The following UBE2W variants were observed in gnomAD, a reference collection of about 807,000 sequenced individuals.
UBE2W encodes ubiquitin conjugating enzyme E2 W.
UBE2W carries 18 observed loss-of-function variants against 27.2 expected under a neutral mutation model. That is an observed-to-expected ratio of 0.66 (90% CI 0.46 to 0.98). The LOEUF (loss-of-function observed/expected upper bound fraction) is 0.98, where lower values mean the gene tolerates loss of function less well. Ranked by LOEUF, UBE2W falls within the 50% of genes least tolerant of loss-of-function variation. UBE2W has a pLI of 0.00. For synonymous variants in UBE2W, 53 were observed against 57.2 expected (o/e 0.93, Z 0.33); for missense variants, 90 against 180.2 (o/e 0.50, Z 2.87).
At chr8:73,785,088 T>C (rs1365624375), downstream of UBE2W, among the ~76,000 whole-genome samples, 1 of 152,224 alleles carries the variant, frequency 6.6e-6, no homozygotes, top group East Asian at 1.9e-4. Context: ...CATTTTGTAC[T>C]TGGGAACTCT....
intron 2 of UBE2W, among the ~76,000 whole-genome samples, chr8:73,829,777 T>C (rs906051642): frequency 1.3e-5 from 2 of 152,204 alleles, no homozygotes; most frequent in African/African-American, 2.4e-5. Flanking sequence ...ATTGGCTCAT[T>C]TGTCCTACAA....
chr8:73,789,786 C>G lies in UBE2W; in HGVS notation c.*4316G>C. On this transcript the variant is annotated 3_prime_UTR_variant, in exon 6 of 6. Coordinates refer to ENST00000602593, the MANE Select transcript of UBE2W (RefSeq NM_018299.6). ...CCAGGAGGTGGAGATTGAAATGAGCCAAGATCGTGCACTGCACTAAAGCCC... is the reference window on the plus strand; with the variant it reads ...CCAGGAGGTGGAGATTGAAATGAGCGAAGATCGTGCACTGCACTAAAGCCC... 3 of 507,678 alleles carry G rather than the reference C, an allele frequency of 5.9e-6. No individual in the cohort carries two copies. The highest frequency in any genetic ancestry group is 7.6e-6 in the Non-Finnish European group (3 of 393,822). The allele number at this position is 507,678 out of a possible 1,614,324, so 31.4% of individuals were successfully genotyped here.
rs115509452 is a variant in UBE2W, at chr8:73,871,408, G to C, written c.15+7400C>G. On this transcript the variant is annotated intron_variant, in intron 1 of 5. Transcript: ENST00000602593. ...TTTATCTATCTGCTAATCTGTTTTT[G>C]TCTACCCACTACACTCCATAATGAT... Among the ~76,000 whole-genome samples, 1,046 of 152,204 alleles carry C rather than the reference G, an allele frequency of 6.9e-3. 11 individuals are homozygous for C. Among genetic ancestry groups the C allele is most frequent in the African/African-American group, 0.024 (1,013 of 41,528 alleles).
In UBE2W at chr8:73,788,259, T is replaced by C. The variant is rs555130920; in HGVS notation, c.*5843A>G. ...GATTTGTCTGTTTTAACATTTATAT[T>C]CTATTTAAAAAGTAGTGACTTTACA... On this transcript the variant is annotated 3_prime_UTR_variant, in exon 6 of 6. Transcript: ENST00000602593. 2 of 959,514 alleles carry C rather than the reference T, an allele frequency of 2.1e-6. No homozygotes were observed. Among genetic ancestry groups the C allele is most frequent in the East Asian group, 2.3e-4 (2 of 8,680 alleles). The allele number at this position is 959,514 out of a possible 1,614,324, so 59.4% of individuals were successfully genotyped here. A position where few individuals can be genotyped will look rare whatever the true frequency, so the allele number is the denominator to read the frequency against.
chr8:73,799,329 T>C (rs1172726322), intron 5 of UBE2W, among the ~76,000 whole-genome samples: 2 of 152,036 alleles, frequency 1.3e-5, no homozygotes, highest in African/African-American at 4.8e-5. Flanking sequence ...GGATTCTAAC[T>C]AATAATGTAG....
Position 73,816,948 on chromosome 8 carries a change from C to T in UBE2W, c.211-6319G>A, listed in dbSNP as rs542301500. Reference sequence around the variant, plus strand: ...ACTGTGGAGGCTGAGGCAGGAGAATCGTTTGAACCCGGGAGGCGGAGGTTG... The same window carrying T: ...ACTGTGGAGGCTGAGGCAGGAGAATTGTTTGAACCCGGGAGGCGGAGGTTG... On this transcript the variant is annotated intron_variant, in intron 3 of 5. Transcript: ENST00000602593. Among the ~76,000 whole-genome samples, 156 of 152,124 alleles carry T rather than the reference C, an allele frequency of 1.0e-3. 3 individuals are homozygous for T. The highest frequency in any genetic ancestry group is 3.5e-4 in the Non-Finnish European group (24 of 68,010).
intron 2 of UBE2W, among the ~76,000 whole-genome samples, chr8:73,826,723 A>G (rs1809850318): frequency 6.6e-6 from 1 of 152,220 alleles, no homozygotes; most frequent in Non-Finnish European, 1.5e-5. Flanking sequence ...TCGCAGTTAT[A>G]GTTAATCTTA....
chr8:73,878,833 T>C lies in UBE2W; in HGVS notation c.-11A>G. On this transcript the variant is annotated 5_prime_UTR_variant, in exon 1 of 6. The change abolishes an upstream ATG in the 5' untranslated region. Transcript: ENST00000602593. ...CTGCATTGACGCCATGATGGAACCATCCCCCCAAGACCGGCGAGGCCAGAG... is the reference window on the plus strand; with the variant it reads ...CTGCATTGACGCCATGATGGAACCACCCCCCCAAGACCGGCGAGGCCAGAG... The C allele has an allele frequency of 6.5e-7, 1 of 1,548,926 alleles. No homozygotes were observed. Among genetic ancestry groups the C allele is most frequent in the Non-Finnish European group, 8.7e-7 (1 of 1,145,676 alleles).
rs1808202994 is a variant in UBE2W at position 73,791,599 on chromosome 8, T to C, written c.*2503A>G. 1 of 984,832 alleles carries C rather than the reference T, an allele frequency of 1.0e-6. No individual in the cohort carries two copies. The highest frequency in any genetic ancestry group is 1.2e-6 in the Non-Finnish European group (1 of 829,494). 61.0% of individuals were successfully genotyped at this position (984,832 alleles called of 1,614,324 possible). On this transcript the variant is annotated 3_prime_UTR_variant, in exon 6 of 6. Coordinates refer to ENST00000602593, the MANE Select transcript of UBE2W (RefSeq NM_018299.6). ...TTATTACAAGCCATTAATTGCTCTC[T>C]GTAGAGCAATGACTCAGATAAATGC...
chr8:73,784,576 G>C (rs948065633), downstream of UBE2W, among the ~76,000 whole-genome samples: 1 of 152,162 alleles, frequency 6.6e-6, no homozygotes, highest in African/African-American at 2.4e-5. Flanking sequence ...CCTCCAGAGA[G>C]GATATTCATT....
intron 5 of UBE2W, 56 bp from the exon 6 acceptor site, chr8:73,794,171 C>A: frequency 6.3e-7 from 1 of 1,584,266 alleles, no homozygotes; most frequent in Non-Finnish European, 8.6e-7. Flanking sequence ...TAAGTAAATT[C>A]TACAAGTCTG....
intron 3 of UBE2W, among the ~76,000 whole-genome samples, chr8:73,824,371 C>T (rs1809742882): frequency 6.6e-6 from 1 of 152,234 alleles, no homozygotes; most frequent in South Asian, 2.1e-4. Flanking sequence ...AGATATTTAA[C>T]ATCTGATGAT....
rs139685615 is a variant in UBE2W at position 73,851,945 on chromosome 8, C to A, written c.16-21473G>T. On this transcript the variant is annotated intron_variant, in intron 1 of 5. Coordinates refer to ENST00000602593, the MANE Select transcript of UBE2W (RefSeq NM_018299.6). Reference sequence around the variant, plus strand: ...TCTGGGCAACACAGTAAGACCCAGTCTCTCTTTTTTTTTTTTTTAAAAAAA... The same window carrying A: ...TCTGGGCAACACAGTAAGACCCAGTATCTCTTTTTTTTTTTTTTAAAAAAA... Among the ~76,000 whole-genome samples, 23 of 128,378 alleles carry A rather than the reference C, an allele frequency of 1.8e-4. No homozygotes were observed. In the East Asian group the frequency reaches 4.9e-3, roughly 27 times the overall value. The allele number at this position is 128,378 out of a possible 152,430, so 84.2% of individuals were successfully genotyped here. A position where few individuals can be genotyped will look rare whatever the true frequency, so the allele number is the denominator to read the frequency against.
intron 1 of UBE2W, among the ~76,000 whole-genome samples, chr8:73,868,177 C>G (rs570926685): frequency 6.6e-6 from 1 of 152,314 alleles, no homozygotes; most frequent in South Asian, 2.1e-4. Context: ...TGGAAACATT[C>G]AGCCCCACCC....
chr8:73,848,054 A>T (rs1185196377), intron 1 of UBE2W, among the ~76,000 whole-genome samples: 1 of 151,920 alleles, frequency 6.6e-6, no homozygotes, highest in African/African-American at 2.4e-5. Context: ...ATACACAATT[A>T]GCTGGGTGTC....
intron 1 of UBE2W, chr8:73,831,987 T>TAGGCTACGTGTGGTGGCTCATGA (rs1810084793): frequency 6.6e-6 from 1 of 151,794 alleles, no homozygotes; most frequent in Non-Finnish European, 1.5e-5. Flanking sequence ...GGAAAGAAAG[T>TAGGCTACGTGTGGTGGCTCATGA]AGGCTACGTG....
chr8:73,866,053 G>A (rs1020827540), intron 1 of UBE2W, among the ~76,000 whole-genome samples: 2 of 151,768 alleles, frequency 1.3e-5, no homozygotes, highest in Non-Finnish European at 1.5e-5. Context: ...CAAGGCAGGT[G>A]GATCATGAGG....
chr8:73,849,282 C>A (rs534656650), intron 1 of UBE2W, among the ~76,000 whole-genome samples: 3 of 151,964 alleles, frequency 2.0e-5, no homozygotes, highest in African/African-American at 7.3e-5. Flanking sequence ...GAGGCCAACG[C>A]AGGTGGATCA....
rs79181709 is a variant in UBE2W at position 73,848,413 on chromosome 8, A to C, written c.16-17941T>G. On this transcript the variant is annotated intron_variant, in intron 1 of 5. Coordinates refer to ENST00000602593, the MANE Select transcript of UBE2W (RefSeq NM_018299.6). ...ATTAGAATCAGAATGTAAGCTGGGC[A>C]TGGTGGCTCATGCCTGTAATCCCAG... 4.3e-3 allele frequency among the ~76,000 whole-genome samples: 650 copies of C among 151,972 alleles called. 6 individuals carry two copies. Among genetic ancestry groups the C allele is most frequent in the African/African-American group, 0.015 (624 of 41,486 alleles).
Sources: allele counts gnomAD v4.1 joint callset (sites outside exome capture counted in the v4.1 genomes callset), GRCh38; gene constraint gnomAD v4.1.1; transcripts MANE v1.5; gene names NCBI Gene and HGNC (gene_info 2026-07-23, HGNC 2026-07-21).